Variants in KCNK13 observed in about 807,000 individuals in gnomAD.
KCNK13 encodes potassium two pore domain channel subfamily K member 13.
A neutral mutation model predicts 23.4 loss-of-function variants in KCNK13; 12 were observed. That is an observed-to-expected ratio of 0.51 (90% CI 0.33 to 0.83). KCNK13 has a LOEUF of 0.83. Ranked by LOEUF, KCNK13 falls within the 40% of genes least tolerant of loss-of-function variation. The pLI is 0.02. For missense variants in KCNK13, 463 were observed against 556.3 expected, an observed-to-expected ratio of 0.83 and a Z score of 1.69; for synonymous variants, 231 against 229.5, an observed-to-expected ratio of 1.01 and a Z score of -0.06.
At chr14:90,075,188 T>C (rs967638637) in intron 1 of KCNK13, among the ~76,000 whole-genome samples, 56 of 152,320 alleles carry the variant, frequency 3.7e-4, no homozygotes, top group African/African-American at 1.3e-3. Context: ...TTTTGTCATT[T>C]AAATGTGATC....
chr14:90,136,734 TC>T (rs1194366104), intron 1 of KCNK13, among the ~76,000 whole-genome samples: 3 of 152,046 alleles, frequency 2.0e-5, no homozygotes, highest in Non-Finnish European at 4.4e-5. Flanking sequence ...TGAATGAAGC[TC>T]CAGGACCCAG....
chr14:90,136,644 T>A (rs1889939926), intron 1 of KCNK13, among the ~76,000 whole-genome samples: 1 of 152,220 alleles, frequency 6.6e-6, no homozygotes, highest in Admixed American at 6.5e-5. Context: ...ATTTACTGGC[T>A]TTCTTGCCAA....
At chr14:90,097,568 A>G (rs1443695748) in intron 1 of KCNK13, among the ~76,000 whole-genome samples, 1 of 152,144 alleles carries the variant, frequency 6.6e-6, no homozygotes, top group African/African-American at 2.4e-5. Context: ...TTTGGTGGGG[A>G]CATATTCAAA....
At chr14:90,130,422 A>T (rs539508659) in intron 1 of KCNK13, among the ~76,000 whole-genome samples, 6 of 151,076 alleles carry the variant, frequency 4.0e-5, no homozygotes, top group Admixed American at 4.0e-4. Context: ...CTGGTCTTGA[A>T]CTCCTTATCT....
intron 1 of KCNK13, among the ~76,000 whole-genome samples, chr14:90,099,781 G>A (rs895524549): frequency 1.3e-5 from 2 of 152,192 alleles, no homozygotes; most frequent in Non-Finnish European, 2.9e-5. Flanking sequence ...AATTCTTCAC[G>A]AGGATCTGGG....
rs190980314 is a variant in KCNK13, at chr14:90,086,070, T to C, written c.334+23531T>C. Among the ~76,000 whole-genome samples the C allele has an allele frequency of 3.9e-3, 591 of 151,746 alleles. 21 individuals carry two copies. Among genetic ancestry groups the C allele is most frequent in the Admixed American group, 0.036 (542 of 15,126 alleles). On this transcript the variant is annotated intron_variant, in intron 1 of 1. Coordinates refer to ENST00000282146, the MANE Select transcript of KCNK13 (RefSeq NM_022054.4). ...TATTCATTAATTTAACCATTCTTCC[T>C]ATTGTAAGACATAGGTTATTGCTAA...
intron 1 of KCNK13, among the ~76,000 whole-genome samples, chr14:90,109,947 A>T (rs77271215): frequency 0.017 from 2,553 of 151,998 alleles, 67 homozygotes; most frequent in African/African-American, 0.058. Context: ...GACTCAAGTG[A>T]TCCATCTGCC....
intron 1 of KCNK13, among the ~76,000 whole-genome samples, chr14:90,144,527 C>A (rs2140430040): frequency 8.8e-6 from 1 of 113,670 alleles, no homozygotes; most frequent in Admixed American, 1.3e-4. Context: ...GATAGAGTCT[C>A]ACTCTGTCAC....
chr14:90,085,087 C>T (rs568389245), intron 1 of KCNK13, among the ~76,000 whole-genome samples: 7 of 151,964 alleles, frequency 4.6e-5, no homozygotes, highest in African/African-American at 1.7e-4. Flanking sequence ...AGATTACAGG[C>T]GTGTGCCACG....
At chr14:90,157,100 A>T (rs971964217) in intron 1 of KCNK13, among the ~76,000 whole-genome samples, 1 of 152,202 alleles carries the variant, frequency 6.6e-6, no homozygotes, top group Non-Finnish European at 1.5e-5. Flanking sequence ...ATTTGTGCTT[A>T]TTTTGATAAT....
intron 1 of KCNK13, among the ~76,000 whole-genome samples, chr14:90,095,501 A>G (rs1411747909): frequency 6.6e-6 from 1 of 150,416 alleles, no homozygotes; most frequent in Non-Finnish European, 1.5e-5. Context: ...CAGCTATCTT[A>G]TTTTTTTTTC....
chr14:90,114,006 T>C (rs562458375), intron 1 of KCNK13, among the ~76,000 whole-genome samples: 1 of 152,292 alleles, frequency 6.6e-6, no homozygotes, highest in East Asian at 1.9e-4. Context: ...TTCTGTACTA[T>C]CTTTGCAACT....
In KCNK13 at chr14:90,127,768, A is replaced by G. The variant is rs576892864; in HGVS notation, c.335-56343A>G. Among the ~76,000 whole-genome samples the G allele has an allele frequency of 5.5e-5, 8 of 144,946 alleles. No homozygotes were observed. The Admixed American group carries it at 5.7e-4, about 10-fold the overall frequency. The stretch of plus-strand genomic sequence containing the variant: ...CAGGAGTTCGAGGCTGCAGTGAGCC[A>G]TGATTGCACCACTGCAGTCCAGCCT... On this transcript the variant is annotated intron_variant, in intron 1 of 1. Coordinates refer to ENST00000282146, the MANE Select transcript of KCNK13 (RefSeq NM_022054.4).
intron 1 of KCNK13, among the ~76,000 whole-genome samples, chr14:90,134,193 G>A (rs958771702): frequency 2.0e-5 from 3 of 152,094 alleles, no homozygotes; most frequent in African/African-American, 7.2e-5. Context: ...TCCAGCCTGA[G>A]CAACAGAGTG....
intron 1 of KCNK13, among the ~76,000 whole-genome samples, chr14:90,162,482 C>A (rs34337258): frequency 6.6e-6 from 1 of 151,992 alleles, no homozygotes; most frequent in African/African-American, 2.4e-5. Context: ...TGTAGTTTTG[C>A]GAAATGTTGC....
chr14:90,171,752 A>G (rs1450696852), intron 1 of KCNK13, among the ~76,000 whole-genome samples: 3 of 152,232 alleles, frequency 2.0e-5, no homozygotes, highest in Non-Finnish European at 4.4e-5. Context: ...TCCAAAGGGA[A>G]GCAATCAGAT....
chr14:90,166,766 G>A (rs8014776), intron 1 of KCNK13, among the ~76,000 whole-genome samples: 6,322 of 152,132 alleles, frequency 0.042, 279 homozygotes, highest in African/African-American at 0.11. Context: ...TACCTGCCTG[G>A]CCTGTGGAAG....
At position 90,062,194 on chromosome 14, in the gene KCNK13, G is replaced by C; in HGVS notation, c.-12G>C. 1 of 1,380,754 alleles carries C rather than the reference G, an allele frequency of 7.2e-7. No individual in the cohort carries two copies. Among genetic ancestry groups the C allele is most frequent in the Non-Finnish European group, 9.3e-7 (1 of 1,069,882 alleles). 85.5% of individuals were successfully genotyped at this position (1,380,754 alleles called of 1,614,324 possible). ...TGCCGTGGGCCTGGGGGCTGCCCCC[G>C]GGGGCCCGGCCATGGCTGGCCGGGG... On this transcript the variant is annotated 5_prime_UTR_variant, in exon 1 of 2. Coordinates refer to ENST00000282146, the MANE Select transcript of KCNK13 (RefSeq NM_022054.4). This position sits in a 1 kb window ranked among gnomAD's most constrained non-coding sequence, Gnocchi z 4.5.
chr14:90,145,346 TCACTC>T (rs1258754724), intron 1 of KCNK13, among the ~76,000 whole-genome samples: 6 of 152,036 alleles, frequency 3.9e-5, no homozygotes, highest in African/African-American at 1.4e-4. Context: ...TGAGCTGAGA[TCACTC>T]CACTGTACCC....
Sources: allele counts gnomAD v4.1 joint callset (sites outside exome capture counted in the v4.1 genomes callset), GRCh38; gene constraint gnomAD v4.1.1; non-coding constraint Gnocchi (gnomAD v3.1); transcripts MANE v1.5; gene names NCBI Gene and HGNC (gene_info 2026-07-23, HGNC 2026-07-21).